The following ZNF385D variants were observed in gnomAD, a reference collection of about 807,000 sequenced individuals.
The protein encoded by ZNF385D is zinc finger protein 659.
A neutral mutation model predicts 35.8 loss-of-function variants in ZNF385D; 15 were observed. That is an observed-to-expected ratio of 0.42 (90% CI 0.28 to 0.64). The LOEUF (loss-of-function observed/expected upper bound fraction) is 0.64. Among genes scored for constraint, ZNF385D ranks in the 30% least tolerant of loss-of-function variants. ZNF385D has a pLI of 0.23. For synonymous variants in ZNF385D, 212 were observed against 186.8 expected (o/e 1.13, Z -1.10); for missense variants, 474 against 494.6 (o/e 0.96, Z 0.39).
At chr3:22,178,761 A>G (rs986222410) in intron 2 of ZNF385D, among the ~76,000 whole-genome samples, 1 of 152,220 alleles carries the variant, frequency 6.6e-6, no homozygotes, top group Non-Finnish European at 1.5e-5. Context: ...TAATTTTTGT[A>G]TAACGTGTAA....
At chr3:22,354,100 T>C (rs1696041863) in intron 2 of ZNF385D, among the ~76,000 whole-genome samples, 1 of 152,112 alleles carries the variant, frequency 6.6e-6, no homozygotes, top group South Asian at 2.1e-4. Context: ...CTCACTAGCA[T>C]CCCCTCTGCT....
chr3:21,771,407 G>T (rs1283290350), intron 3 of ZNF385D, among the ~76,000 whole-genome samples: 1 of 151,790 alleles, frequency 6.6e-6, no homozygotes, highest in African/African-American at 2.4e-5. Flanking sequence ...CACATTATTA[G>T]ATTTAAATGT....
At chr3:21,496,210 T>G (rs1009138288) in intron 4 of ZNF385D, among the ~76,000 whole-genome samples, 2 of 150,812 alleles carry the variant, frequency 1.3e-5, no homozygotes, top group African/African-American at 4.9e-5. Flanking sequence ...GAGGCCAGCA[T>G]CATCTTGATA....
chr3:22,023,811 T>C (rs1482716736), intron 3 of ZNF385D, among the ~76,000 whole-genome samples: 1 of 151,954 alleles, frequency 6.6e-6, no homozygotes, highest in Non-Finnish European at 1.5e-5. Flanking sequence ...AGCAAGAACT[T>C]GGAAGAGTGC....
intron 1 of ZNF385D, among the ~76,000 whole-genome samples, chr3:21,666,174 G>C (rs556427411): frequency 9.7e-4 from 148 of 152,304 alleles, no homozygotes; most frequent in Middle Eastern, 3.4e-3. Context: ...ACTGCACACA[G>C]AACATCATCT....
chr3:22,037,659 GACTGTTC>G (rs1474544299), intron 3 of ZNF385D, among the ~76,000 whole-genome samples: 2 of 152,080 alleles, frequency 1.3e-5, no homozygotes, highest in Non-Finnish European at 1.5e-5. Context: ...TCTGTAGGTT[GACTGTTC>G]ACTCTGATGG....
chr3:22,270,059 G>A (rs1311722968), intron 2 of ZNF385D, among the ~76,000 whole-genome samples: 1 of 151,890 alleles, frequency 6.6e-6, no homozygotes, highest in Non-Finnish European at 1.5e-5. Context: ...TGGAATCTGA[G>A]TCTGACTCTG....
At chr3:21,883,765 T>G (rs919627921) in intron 3 of ZNF385D, among the ~76,000 whole-genome samples, 1 of 152,018 alleles carries the variant, frequency 6.6e-6, no homozygotes, top group African/African-American at 2.4e-5. Context: ...AGGCTAGAAT[T>G]TATGTATGTG....
chr3:22,166,851 G>T (rs1277820662), intron 3 of ZNF385D, among the ~76,000 whole-genome samples: 1 of 152,334 alleles, frequency 6.6e-6, no homozygotes, highest in East Asian at 1.9e-4. Context: ...CAAGATAGGT[G>T]AAGTATAACG....
At chr3:21,616,972 G>A (rs2125803862) in intron 2 of ZNF385D, among the ~76,000 whole-genome samples, 1 of 152,216 alleles carries the variant, frequency 6.6e-6, no homozygotes, top group South Asian at 2.1e-4. Context: ...TCTCAAAAAA[G>A]TCAGAAGGTA....
intron 2 of ZNF385D, among the ~76,000 whole-genome samples, chr3:22,249,788 G>A (rs1360255845): frequency 6.6e-6 from 1 of 152,168 alleles, no homozygotes; most frequent in Non-Finnish European, 1.5e-5. Flanking sequence ...AGCTAAAATT[G>A]TGGGGTTTTT....
intron 3 of ZNF385D, among the ~76,000 whole-genome samples, chr3:21,955,000 C>G (rs1212972320): frequency 2.6e-5 from 4 of 152,134 alleles, no homozygotes; most frequent in African/African-American, 9.7e-5. Context: ...TGTGAGTTCA[C>G]TGGAATGCTT....
intron 3 of ZNF385D, among the ~76,000 whole-genome samples, chr3:22,163,055 G>A (rs750426624): frequency 6.6e-6 from 1 of 152,176 alleles, no homozygotes; most frequent in South Asian, 2.1e-4. Context: ...TTTCAGAGAT[G>A]TCTACCCACT....
At chr3:21,874,294 T>TAC (rs1697849013) in intron 3 of ZNF385D, among the ~76,000 whole-genome samples, 2 of 152,244 alleles carry the variant, frequency 1.3e-5, no homozygotes, top group South Asian at 4.1e-4. Flanking sequence ...AATTTGTATG[T>TAC]CTTCTTTGGA....
intron 3 of ZNF385D, among the ~76,000 whole-genome samples, chr3:22,092,781 C>T (rs913457430): frequency 6.6e-6 from 1 of 151,976 alleles, no homozygotes; most frequent in Admixed American, 6.6e-5. Context: ...TCTTCTGGAT[C>T]CTGACTGATA....
chr3:22,364,397 T>C (rs1043377991), intron 2 of ZNF385D, among the ~76,000 whole-genome samples: 2 of 152,060 alleles, frequency 1.3e-5, no homozygotes, highest in Non-Finnish European at 2.9e-5. Context: ...ATGGAACTCC[T>C]AAAATGCAAC....
chr3:21,720,426 C>T (rs531853331), intron 1 of ZNF385D, among the ~76,000 whole-genome samples: 1 of 152,274 alleles, frequency 6.6e-6, no homozygotes, highest in Non-Finnish European at 1.5e-5. Flanking sequence ...TGGTGGTACA[C>T]ATCTGTACTC....
At chr3:22,125,232 T>A (rs558545932) in intron 3 of ZNF385D, among the ~76,000 whole-genome samples, 98 of 152,280 alleles carry the variant, frequency 6.4e-4, no homozygotes, top group Admixed American at 2.9e-3. Flanking sequence ...TGTAGGTGTA[T>A]AAATTTATTT....
chr3:21,639,743 A>G (rs1188773431), intron 2 of ZNF385D, among the ~76,000 whole-genome samples: 2 of 151,970 alleles, frequency 1.3e-5, no homozygotes, highest in Admixed American at 1.3e-4. Flanking sequence ...TCACATAAAA[A>G]CCAATTGTGT....
Sources: allele counts gnomAD v4.1 joint callset (sites outside exome capture counted in the v4.1 genomes callset), GRCh38; gene constraint gnomAD v4.1.1; transcripts MANE v1.5; gene names NCBI Gene and HGNC (gene_info 2026-07-23, HGNC 2026-07-21).